The following ASIC4 variants were observed in gnomAD, a reference collection of about 807,000 sequenced individuals.
ASIC4 encodes the protein acid-sensing ion channel 4.
In ASIC4, 28 loss-of-function variants were observed where a neutral mutation model predicts 53.4. The observed-to-expected ratio is 0.52, with a 90% CI of 0.39 to 0.72. ASIC4 has a LOEUF of 0.72. Among genes scored for constraint, ASIC4 ranks in the 30% least tolerant of loss-of-function variants. The probability of loss-of-function intolerance (pLI) is 0.00; values close to 1 mark genes in which losing one functional copy is unlikely to be tolerated. For synonymous variants in ASIC4, 289 were observed against 301.4 expected (o/e 0.96, Z 0.43); for missense variants, 649 against 729.7 (o/e 0.89, Z 1.27).
At chr2:219,532,285 G>C (rs1280978787) in intron 3 of ASIC4, 30 bp from the exon 4 acceptor site, 9 of 1,602,044 alleles carry the variant, frequency 5.6e-6, no homozygotes, top group Non-Finnish European at 7.7e-6. Flanking sequence ...GGATTCCTGA[G>C]CATGACCTCA....
At chr2:219,534,348 A>G (rs1695093155) in intron 5 of ASIC4, among the ~76,000 whole-genome samples, 1 of 152,260 alleles carries the variant, frequency 6.6e-6, no homozygotes, top group South Asian at 2.1e-4. Context: ...GCACAGCGGT[A>G]GACCACAGAG....
chr2:219,512,007 G>A (rs1297859212), upstream of ASIC4, among the ~76,000 whole-genome samples: 3 of 152,014 alleles, frequency 2.0e-5, no homozygotes, highest in African/African-American at 7.3e-5. Flanking sequence ...GAGATGAGCT[G>A]GAAGTATGGG....
upstream of ASIC4, chr2:219,514,411 C>G (rs984911705): frequency 7.1e-6 from 11 of 1,548,946 alleles, no homozygotes; most frequent in South Asian, 6.0e-5. Flanking sequence ...CTCACTCGCT[C>G]GCTCGCAGGG....
In ASIC4 at chr2:219,538,317, G is replaced by A; in HGVS notation, c.*271G>A. ...AGGAAGGGAAGGAAGGAGAGGGAGG[G>A]GGAGGATAGAGCCCATCCCAGCCGG... On this transcript the variant is annotated 3_prime_UTR_variant, in exon 10 of 10. Transcript: ENST00000358078. 1 of 466,730 alleles carries A rather than the reference G, an allele frequency of 2.1e-6. No homozygotes were observed. The highest frequency in any genetic ancestry group is 2.5e-5 in the South Asian group (1 of 39,868). The allele number at this position is 466,730 out of a possible 1,614,324, so 28.9% of individuals were successfully genotyped here. A position where few individuals can be genotyped will look rare whatever the true frequency, so the allele number is the denominator to read the frequency against.
At position 219,531,797 on chromosome 2, in the gene ASIC4, G is replaced by T. The variant is rs145427534; in HGVS notation, c.622G>T (p.Asp208Tyr). The change falls in exon 2 of 10, where the codon GAC (aspartate) becomes TAC (tyrosine). Residue 208 changes from aspartate to tyrosine, a missense_variant. Physicochemically the swap from Asp to Tyr is radical, Grantham distance 160 (BLOSUM62 -3). Transcript: ENST00000358078. ...TGGGAAGTGTTACACCTTCAACGCG[G>T]ACCCGCGGAGCTCGCTGCCCAGCCG... ...RYGKCYTFNA[D>Y]PRSSLPSRAG... is the part of the protein sequence containing the mutation. The T allele has an allele frequency of 1.2e-6, 2 of 1,612,858 alleles. No homozygotes were observed. The highest frequency in any genetic ancestry group is 1.3e-5 in the African/African-American group (1 of 74,896).
At chr2:219,531,130 C>G (rs1160621298) in intron 1 of ASIC4, among the ~76,000 whole-genome samples, 2 of 151,912 alleles carry the variant, frequency 1.3e-5, no homozygotes, top group East Asian at 3.9e-4. Context: ...AGAAGGATTG[C>G]TTGGGCCCAA....
intron 1 of ASIC4, among the ~76,000 whole-genome samples, chr2:219,527,847 C>A (rs998682896): frequency 3.9e-5 from 6 of 152,236 alleles, no homozygotes; most frequent in Non-Finnish European, 8.8e-5. Context: ...CACCTCATAC[C>A]TCCTTCTGCA....
Position 219,532,168 on chromosome 2 carries a change from T to C in ASIC4, c.855+40T>C, listed in dbSNP as rs1695052997. 1.9e-6 allele frequency: 3 copies of C among 1,612,486 alleles called. No homozygotes were observed. In the South Asian group the frequency reaches 3.3e-5, roughly 18 times the overall value. On this transcript the variant is annotated intron_variant, in intron 3 of 9. Transcript: ENST00000358078. ...CTAGGCCCTGGATTGGGCACAGGGC[T>C]CGCCTTTGGGCTCAGAGGGGATGTG...
chr2:219,518,484 G>A lies in ASIC4; in HGVS notation c.582+3178G>A, dbSNP rs570215577. 2.3e-4 allele frequency among the ~76,000 whole-genome samples: 35 copies of A among 151,960 alleles called. No individual in the cohort carries two copies. In the South Asian group the frequency reaches 4.1e-3, roughly 18 times the overall value. On this transcript the variant is annotated intron_variant, in intron 1 of 9. Transcript: ENST00000358078. This position sits in a 1 kb window ranked among gnomAD's most constrained non-coding sequence, Gnocchi z 4.8. ...GGGCCCCGTATGTTTGCTCTGCATG[G>A]TGGCTAGCTCCAGCTAGTTTACCTC... is the stretch of plus-strand genomic sequence containing the variant.
chr2:219,534,847 T>G (rs1164513205), intron 5 of ASIC4, among the ~76,000 whole-genome samples: 1 of 152,100 alleles, frequency 6.6e-6, no homozygotes, highest in East Asian at 1.9e-4. Context: ...CACCTCCTTG[T>G]GTGTCTGAGG....
At chr2:219,511,235 G>C (rs1271299965), upstream of ASIC4, among the ~76,000 whole-genome samples, 1 of 152,134 alleles carries the variant, frequency 6.6e-6, no homozygotes, top group Non-Finnish European at 1.5e-5. This position sits in a 1 kb window ranked among gnomAD's most constrained non-coding sequence, Gnocchi z 5.3. Context: ...CCTGTGCTTT[G>C]AGAAAGCACC....
rs1242962348 is a variant in ASIC4, at chr2:219,517,290, G to C, written c.582+1984G>C. On this transcript the variant is annotated intron_variant, in intron 1 of 9. Transcript: ENST00000358078. The surrounding 1 kb of genome is among the most constrained non-coding windows in gnomAD (Gnocchi z 4.2). ...GCTGGTGAGTCCCCGGAATCCTGGGGATGGCCTGGAGGAGTGTGGGTGGAT... is the reference window on the plus strand; with the variant it reads ...GCTGGTGAGTCCCCGGAATCCTGGGCATGGCCTGGAGGAGTGTGGGTGGAT... 1 of 152,316 alleles carries C rather than the reference G, an allele frequency of 6.6e-6. No individual in the cohort carries two copies. The highest frequency in any genetic ancestry group is 1.5e-5 in the Non-Finnish European group (1 of 68,112). 9.4% of individuals were successfully genotyped at this position (152,316 alleles called of 1,614,324 possible).
At chr2:219,532,602 C>A in intron 4 of ASIC4, 125 bp downstream of exon 4, 1 of 1,315,388 alleles carries the variant, frequency 7.6e-7, no homozygotes, top group Non-Finnish European at 1.0e-6. Flanking sequence ...TGTCTGTACC[C>A]GTGTGAGTGT....
Position 219,520,325 on chromosome 2 carries a change from G to A in ASIC4, c.582+5019G>A, listed in dbSNP as rs923170463. Among the ~76,000 whole-genome samples, 17 of 151,920 alleles carry A rather than the reference G, an allele frequency of 1.1e-4. 1 individual carries two copies. Among genetic ancestry groups the A allele is most frequent in the African/African-American group, 2.4e-4 (10 of 41,388 alleles). On this transcript the variant is annotated intron_variant, in intron 1 of 9. Coordinates refer to ENST00000358078, the MANE Select transcript of ASIC4 (RefSeq NM_018674.6). ...TCTCCTCTCCCTGCCCCACCCAGCC[G>A]CCAGCCAGGACAGCTCTGAGGCACA...
intron 1 of ASIC4, among the ~76,000 whole-genome samples, chr2:219,519,605 T>G (rs1694854905): frequency 6.6e-6 from 1 of 152,222 alleles, no homozygotes; most frequent in South Asian, 2.1e-4. Context: ...CTTGTCCAAC[T>G]TGGTAGTCAC....
chr2:219,517,770 G>A lies in ASIC4; in HGVS notation c.582+2464G>A, dbSNP rs1314153831. On this transcript the variant is annotated intron_variant, in intron 1 of 9. Transcript: ENST00000358078. The surrounding 1 kb of genome is among the most constrained non-coding windows in gnomAD (Gnocchi z 4.2). ...ATGATGGGGATTTGGGGTCTATGGT[G>A]GGGAGATGGGTATGTGAGCTGGTTG... Among the ~76,000 whole-genome samples, 1 of 152,120 alleles carries A rather than the reference G, an allele frequency of 6.6e-6. No individual in the cohort carries two copies. The highest frequency in any genetic ancestry group is 1.5e-5 in the Non-Finnish European group (1 of 68,024).
upstream of ASIC4, among the ~76,000 whole-genome samples, chr2:219,513,517 G>A (rs771270815): frequency 2.6e-5 from 4 of 151,984 alleles, no homozygotes; most frequent in South Asian, 2.1e-4. Context: ...TCCCATTGAC[G>A]CCCAGCACAT....
chr2:219,527,193 C>T (rs1694974329), intron 1 of ASIC4, among the ~76,000 whole-genome samples: 1 of 152,208 alleles, frequency 6.6e-6, no homozygotes, highest in African/African-American at 2.4e-5. Flanking sequence ...CTGATGGCTC[C>T]ACCCACCCCT....
At chr2:219,511,455 A>C (rs894883269), upstream of ASIC4, among the ~76,000 whole-genome samples, 25 of 146,138 alleles carry the variant, frequency 1.7e-4, no homozygotes, top group Non-Finnish European at 3.0e-4. The surrounding 1 kb of genome is among the most constrained non-coding windows in gnomAD (Gnocchi z 5.3). Context: ...ACTCATTCTC[A>C]CTGTCAGGAA....
Sources: gnomAD v4.1 joint callset for allele counts (sites outside exome capture counted in the v4.1 genomes callset) on GRCh38, gnomAD v4.1.1 for gene constraint, Gnocchi (gnomAD v3.1) non-coding constraint, MANE v1.5 for transcripts, NCBI Gene and HGNC (gene_info 2026-07-23, HGNC 2026-07-21) for gene names.